Variants in GJC2 observed in about 807,000 individuals in gnomAD.
GJC2 encodes gap junction gamma-2 protein.
For missense variants in GJC2, 647 were observed against 648.9 expected (o/e 1.00, Z 0.03); for synonymous variants, 336 against 307.5 (o/e 1.09, Z -0.97).
chr1:228,153,386 CAA>C (rs11316494), intron 1 of GJC2, among the ~76,000 whole-genome samples: 1,326 of 130,838 alleles, frequency 0.01, 8 homozygotes, highest in African/African-American at 0.021. Flanking sequence ...GAGACCCCAT[CAA>C]AAAAAAAAAA....
At chr1:228,156,107 C>G (rs908974473) in intron 1 of GJC2, among the ~76,000 whole-genome samples, 2 of 152,206 alleles carry the variant, frequency 1.3e-5, no homozygotes, top group African/African-American at 4.8e-5. Context: ...GGCCTCAGGG[C>G]TGGAGTGTGC....
In GJC2 at chr1:228,150,785, C is replaced by T. The variant is rs1280968337; in HGVS notation, c.-20+778C>T. The stretch of plus-strand genomic sequence containing the variant: ...CTGGATGGCAGTGAGCCCAGGATTC[C>T]TGGCTGCTGGGCGTTCAGGAGGGAA... On this transcript the variant is annotated intron_variant, in intron 1 of 1. Coordinates refer to ENST00000366714, the MANE Select transcript of GJC2 (RefSeq NM_020435.4). The surrounding 1 kb of genome is among the most constrained non-coding windows in gnomAD (Gnocchi z 4.6). Among the ~76,000 whole-genome samples, 1 of 152,120 alleles carries T rather than the reference C, an allele frequency of 6.6e-6. No individual in the cohort carries two copies. The highest frequency in any genetic ancestry group is 1.5e-5 in the Non-Finnish European group (1 of 67,992).
chr1:228,154,673 TCA>T (rs1308920466), intron 1 of GJC2, among the ~76,000 whole-genome samples: 1 of 152,236 alleles, frequency 6.6e-6, no homozygotes, highest in Non-Finnish European at 1.5e-5. Flanking sequence ...GGTTATACAT[TCA>T]GTCACGTACT....
At chr1:228,154,043 C>T (rs1455338372) in intron 1 of GJC2, among the ~76,000 whole-genome samples, 5 of 152,084 alleles carry the variant, frequency 3.3e-5, no homozygotes, top group African/African-American at 1.2e-4. Context: ...GACCTCACAC[C>T]CAGTTTCCCC....
Position 228,157,727 on chromosome 1 carries a change from C to A in GJC2, c.-19-13C>A. The A allele has an allele frequency of 7.1e-7, 1 of 1,402,922 alleles. No homozygotes were observed. Among genetic ancestry groups the A allele is most frequent in the Non-Finnish European group, 9.8e-7 (1 of 1,020,882 alleles). The allele number at this position is 1,402,922 out of a possible 1,614,324, so 86.9% of individuals were successfully genotyped here. ...AGTGCAGGCCCCTGGCTGACCCCTA[C>A]CCCGCCCCACAGGACCCGCCCGCCC... is the stretch of plus-strand genomic sequence containing the variant. On this transcript the variant is annotated splice_polypyrimidine_tract_variant and intron_variant, in intron 1 of 1. Coordinates refer to ENST00000366714, the MANE Select transcript of GJC2 (RefSeq NM_020435.4).
In GJC2 at chr1:228,150,614, C is replaced by T. The variant is rs191335349; in HGVS notation, c.-20+607C>T. On this transcript the variant is annotated intron_variant, in intron 1 of 1. Coordinates refer to ENST00000366714, the MANE Select transcript of GJC2 (RefSeq NM_020435.4). This position sits in a 1 kb window ranked among gnomAD's most constrained non-coding sequence, Gnocchi z 4.6. Reference sequence around the variant, plus strand: ...TGTGATTAACTGGGTGGAGGCCCCCCCGGGGTGCTGGGGCAGGCCCTCAGT... The same window carrying T: ...TGTGATTAACTGGGTGGAGGCCCCCTCGGGGTGCTGGGGCAGGCCCTCAGT... Among the ~76,000 whole-genome samples the T allele has an allele frequency of 2.4e-4, 36 of 152,214 alleles. No homozygotes were observed. In the East Asian group the frequency reaches 3.9e-3, roughly 16 times the overall value.
intron 1 of GJC2, among the ~76,000 whole-genome samples, chr1:228,157,224 G>A (rs1248939885): frequency 6.6e-6 from 1 of 152,184 alleles, no homozygotes; most frequent in African/African-American, 2.4e-5. Flanking sequence ...AGGGGCTATG[G>A]GGATTGTGGA....
chr1:228,154,124 A>C (rs546889418), intron 1 of GJC2, among the ~76,000 whole-genome samples: 1 of 152,226 alleles, frequency 6.6e-6, no homozygotes. Context: ...AGCTGGGATT[A>C]ACTGAGGTCC....
chr1:228,157,684 G>A, intron 1 of GJC2, 56 bp from the exon 2 acceptor site: 6 of 1,045,424 alleles, frequency 5.7e-6, no homozygotes, highest in Non-Finnish European at 6.9e-6. Flanking sequence ...CCCCGGCTCT[G>A]AGCGCCGCGG....
chr1:228,154,319 C>G (rs1463080170), intron 1 of GJC2, among the ~76,000 whole-genome samples: 1 of 152,152 alleles, frequency 6.6e-6, no homozygotes, highest in East Asian at 1.9e-4. Flanking sequence ...GTAGCATGCC[C>G]CTTGGGTGGG....
intron 1 of GJC2, among the ~76,000 whole-genome samples, chr1:228,154,649 C>G (rs373229406): frequency 2.0e-4 from 30 of 152,342 alleles, no homozygotes; most frequent in African/African-American, 4.8e-4. Flanking sequence ...GGAGCTGTCT[C>G]CTGTCCCCCA....
chr1:228,158,531 T>A lies in GJC2; in HGVS notation c.773T>A (p.Val258Glu). 1.2e-6 allele frequency: 2 copies of A among 1,613,010 alleles called. No individual in the cohort carries two copies. The highest frequency in any genetic ancestry group is 1.7e-6 in the Non-Finnish European group (2 of 1,179,670). Residue 258 changes from valine to glutamate, a missense_variant, in exon 2 of 2, where the codon GTG becomes GAG. Coordinates refer to ENST00000366714, the MANE Select transcript of GJC2 (RefSeq NM_020435.4). The surrounding 1 kb of genome is among the most constrained non-coding windows in gnomAD (Gnocchi z 8.3). ...TGCCCGCACGTGGTGGACTGCTTCG[T>A]GTCGCGCCCTACTGAAAAGACGGTC... is the stretch of plus-strand genomic sequence containing the variant. ...QPCPHVVDCF[V>E]SRPTEKTVFL... is the part of the protein sequence containing the mutation.
intron 1 of GJC2, among the ~76,000 whole-genome samples, chr1:228,157,038 G>A (rs567359235): frequency 3.3e-5 from 5 of 152,244 alleles, no homozygotes; most frequent in Non-Finnish European, 4.4e-5. Flanking sequence ...CTGGGCGGGC[G>A]GAGCCCTGGG....
chr1:228,158,135 C>G lies in GJC2; in HGVS notation c.377C>G (p.Ala126Gly). 1.6e-6 allele frequency: 2 copies of G among 1,268,688 alleles called. No homozygotes were observed. The highest frequency in any genetic ancestry group is 2.0e-6 in the Non-Finnish European group (2 of 1,007,338). 78.6% of individuals were successfully genotyped at this position (1,268,688 alleles called of 1,614,324 possible). The change falls in exon 2 of 2, where the codon GCG (alanine) becomes GGG (glycine). Residue 126 changes from alanine (A) to glycine (G), a missense_variant. Ala to Gly is a moderately conservative substitution (Grantham distance 60, BLOSUM62 0). Coordinates refer to ENST00000366714, the MANE Select transcript of GJC2 (RefSeq NM_020435.4). This position sits in a 1 kb window ranked among gnomAD's most constrained non-coding sequence, Gnocchi z 8.3. ...CCGGGGCCACGCCGCGCGCCCCGAG[C>G]GCACCTGCCGCCCCCGCACGCCGGC... ...RRPGPRRAPR[A>G]HLPPPHAGWP...
At position 228,158,985 on chromosome 1, in the gene GJC2, C is replaced by T. The variant is rs770928675; in HGVS notation, c.1227C>T (p.Pro409=). 11 of 1,602,066 alleles carry T rather than the reference C, an allele frequency of 6.9e-6. No homozygotes were observed. The highest frequency in any genetic ancestry group is 3.3e-5 in the South Asian group (3 of 90,008). The change falls in exon 2 of 2, where the codon CCC becomes CCT. Residue 409 remains proline (P), a synonymous_variant. Transcript: ENST00000366714. The surrounding 1 kb of genome is among the most constrained non-coding windows in gnomAD (Gnocchi z 8.3). ...GCACTGTCGGGGAGCAGGGCCGGCC[C>T]GGCACCCACGAGCGGCCAGGAGCCA... ...SAGTVGEQGR[P]GTHERPGAKP...
In GJC2 at chr1:228,159,410, T is replaced by G; in HGVS notation, c.*332T>G. On this transcript the variant is annotated 3_prime_UTR_variant, in exon 2 of 2. Transcript: ENST00000366714. The surrounding 1 kb of genome is among the most constrained non-coding windows in gnomAD (Gnocchi z 4.0). ...GGGATGCCAGCTCTCCCCTTTGTGC[T>G]TCCCTGCAGCAACCCATGGAGGGCC... 3.6e-5 allele frequency: 11 copies of G among 303,558 alleles called. No homozygotes were observed. The highest frequency in any genetic ancestry group is 4.6e-5 in the Non-Finnish European group (7 of 153,014). The allele number at this position is 303,558 out of a possible 1,614,324, so 18.8% of individuals were successfully genotyped here.
intron 1 of GJC2, among the ~76,000 whole-genome samples, chr1:228,156,443 G>A (rs1558118968): frequency 1.3e-5 from 2 of 152,262 alleles, no homozygotes; most frequent in Non-Finnish European, 2.9e-5. Flanking sequence ...GTGTGCATGT[G>A]TACACATGTG....
Position 228,159,180 on chromosome 1 carries a change from C to T in GJC2, c.*102C>T. On this transcript the variant is annotated 3_prime_UTR_variant, in exon 2 of 2. Transcript: ENST00000366714. This position sits in a 1 kb window ranked among gnomAD's most constrained non-coding sequence, Gnocchi z 4.0. The stretch of plus-strand genomic sequence containing the variant: ...CAGCCTTCTCCTTAGCCGGTGGCCT[C>T]AGGCAGACTCTGCCCAGAGGGGCAG... 7.4e-7 allele frequency: 1 copy of T among 1,353,752 alleles called. No individual in the cohort carries two copies. Among genetic ancestry groups the T allele is most frequent in the Non-Finnish European group, 1.0e-6 (1 of 971,598 alleles). The allele number at this position is 1,353,752 out of a possible 1,614,324, so 83.9% of individuals were successfully genotyped here.
At position 228,152,580 on chromosome 1, in the gene GJC2, C is replaced by A. The variant is rs2034630644; in HGVS notation, c.-20+2573C>A. Among the ~76,000 whole-genome samples the A allele has an allele frequency of 6.6e-6, 1 of 152,046 alleles. No homozygotes were observed. The highest frequency in any genetic ancestry group is 6.5e-5 in the Admixed American group (1 of 15,276). ...CCCAGAGGTGGCCCCCACTGTGAGC[C>A]CCCATGGTGAGTCCCTTTGCTCTTG... On this transcript the variant is annotated intron_variant, in intron 1 of 1. Coordinates refer to ENST00000366714, the MANE Select transcript of GJC2 (RefSeq NM_020435.4). The surrounding 1 kb of genome is among the most constrained non-coding windows in gnomAD (Gnocchi z 7.3).
Sources: gnomAD v4.1 joint callset for allele counts (sites outside exome capture counted in the v4.1 genomes callset) on GRCh38, gnomAD v4.1.1 for gene constraint, Gnocchi (gnomAD v3.1) non-coding constraint, MANE v1.5 for transcripts, NCBI Gene and HGNC (gene_info 2026-07-23, HGNC 2026-07-21) for gene names.